The following RBP7 variants were observed in gnomAD, a reference collection of about 807,000 sequenced individuals.
RBP7 encodes retinol binding protein 7.
A neutral mutation model predicts 16.7 loss-of-function variants in RBP7; 13 were observed. The ratio of observed to expected loss-of-function variants is 0.78; its 90% CI spans 0.51 to 1.24. The LOEUF (loss-of-function observed/expected upper bound fraction) is 1.24, where lower values mean the gene tolerates loss of function less well. Among genes scored for constraint, RBP7 ranks in the 50% most tolerant of loss-of-function variants. The probability of loss-of-function intolerance (pLI) is 0.00; values close to 1 mark genes in which losing one functional copy is unlikely to be tolerated. For missense variants in RBP7, 145 were observed against 159.5 expected (o/e 0.91, Z 0.49); for synonymous variants, 54 against 56.2 (o/e 0.96, Z 0.17).
chr1:9,997,363 G>T lies in RBP7; in HGVS notation c.73+32G>T. 6.2e-7 allele frequency: 1 copy of T among 1,601,410 alleles called. No individual in the cohort carries two copies. The highest frequency in any genetic ancestry group is 8.5e-7 in the Non-Finnish European group (1 of 1,172,360). The stretch of plus-strand genomic sequence containing the variant: ...CGGAGGGGAGGCGGCGGCGGCGCGA[G>T]GCTCGCCGTGGGTCTCGGGATCAGG... On this transcript the variant is annotated intron_variant, in intron 1 of 3. Coordinates refer to ENST00000294435, the MANE Select transcript of RBP7 (RefSeq NM_052960.3). The surrounding 1 kb of genome is among the most constrained non-coding windows in gnomAD (Gnocchi z 5.9).
chr1:10,003,584 A>T (rs1036321170), intron 1 of RBP7, among the ~76,000 whole-genome samples: 1 of 152,218 alleles, frequency 6.6e-6, no homozygotes, highest in Admixed American at 6.5e-5. Flanking sequence ...CAGAGCTGTG[A>T]CACTGCTTCT....
At chr1:10,012,607 C>G (rs115776546) in intron 3 of RBP7, among the ~76,000 whole-genome samples, 1,481 of 145,174 alleles carry the variant, frequency 0.01, 31 homozygotes, top group African/African-American at 0.037. Context: ...GCCTGGGGAA[C>G]GTAGGACTAG....
chr1:10,008,143 A>C, intron 2 of RBP7, 30 bp from the exon 3 acceptor site: 1 of 1,418,470 alleles, frequency 7.0e-7, no homozygotes, highest in Non-Finnish European at 1.0e-6. Flanking sequence ...CTGCCAGGAC[A>C]AGCTAACATT....
intron 3 of RBP7, among the ~76,000 whole-genome samples, chr1:10,008,911 T>G (rs1642528374): frequency 6.6e-6 from 1 of 152,206 alleles, no homozygotes; most frequent in South Asian, 2.1e-4. Flanking sequence ...ACTTTATGTA[T>G]ACATAGATAT....
chr1:10,015,675 A>G, intron 3 of RBP7, 107 bp from the exon 4 acceptor site: 1 of 991,338 alleles, frequency 1.0e-6, no homozygotes. Flanking sequence ...AAAAGAAAAA[A>G]ACATGTTCCA....
intron 1 of RBP7, among the ~76,000 whole-genome samples, chr1:9,998,413 T>TC (rs1331526613): frequency 9.0e-5 from 13 of 144,248 alleles, no homozygotes; most frequent in African/African-American, 3.1e-4. Context: ...CTTTCTTTTT[T>TC]TTTTTTTTTT....
chr1:10,002,201 T>C (rs1642297500), intron 1 of RBP7, among the ~76,000 whole-genome samples: 1 of 152,144 alleles, frequency 6.6e-6, no homozygotes, highest in African/African-American at 2.4e-5. Flanking sequence ...GGCTTTGAGA[T>C]TGAAGGTTAA....
chr1:10,007,535 C>A, intron 1 of RBP7, 35 bp from the exon 2 acceptor site: 2 of 1,438,870 alleles, frequency 1.4e-6, no homozygotes, highest in South Asian at 1.3e-5. Flanking sequence ...GTATCTCAAG[C>A]GAATGTTCAA....
chr1:10,010,918 A>G (rs1642599620), intron 3 of RBP7, among the ~76,000 whole-genome samples: 1 of 151,838 alleles, frequency 6.6e-6, no homozygotes, highest in African/African-American at 2.4e-5. Context: ...TAGTAGAGAC[A>G]TGGTTTTGCC....
chr1:10,015,975 T>C lies in RBP7; in HGVS notation c.*143T>C. ...ACACAGCGTGTAACCTGAAGTCATC[T>C]AGATTATGGGGAAACTGCTCAGCTT... On this transcript the variant is annotated 3_prime_UTR_variant, in exon 4 of 4. Coordinates refer to ENST00000294435, the MANE Select transcript of RBP7 (RefSeq NM_052960.3). The C allele has an allele frequency of 1.5e-6, 1 of 677,192 alleles. No individual in the cohort carries two copies. The highest frequency in any genetic ancestry group is 2.6e-6 in the Non-Finnish European group (1 of 386,950). The allele number at this position is 677,192 out of a possible 1,614,324, so 41.9% of individuals were successfully genotyped here.
In RBP7 at chr1:10,007,653, C is replaced by T. The variant is rs1241384176; in HGVS notation, c.157C>T (p.His53Tyr). Reference protein sequence around the residue: ...IEQNGDSFTIHTNSSLRNYFV... With the variant: ...IEQNGDSFTIYTNSSLRNYFV... ...GCAGAATGGGGATTCTTTTACCATC[C>T]ACACGAACAGCAGCCTAAGGAACTA... Residue 53 changes from histidine to tyrosine, a missense_variant, in exon 2 of 4, where the codon CAC becomes TAC. By Grantham distance (83) the His-to-Tyr change is moderately conservative. Coordinates refer to ENST00000294435, the MANE Select transcript of RBP7 (RefSeq NM_052960.3). The T allele has an allele frequency of 1.2e-6, 2 of 1,613,768 alleles. No homozygotes were observed. The highest frequency in any genetic ancestry group is 1.7e-5 in the Admixed American group (1 of 59,954).
intron 3 of RBP7, among the ~76,000 whole-genome samples, chr1:10,012,502 T>A (rs896360879): frequency 2.6e-5 from 4 of 152,032 alleles, no homozygotes; most frequent in African/African-American, 9.7e-5. Context: ...GTTCAAATTA[T>A]GCACAACAGC....
In RBP7 at chr1:9,997,481, G is replaced by A; in HGVS notation, c.73+150G>A. The A allele has an allele frequency of 2.9e-6, 2 of 693,954 alleles. No individual in the cohort carries two copies. The highest frequency in any genetic ancestry group is 2.4e-6 in the Non-Finnish European group (1 of 416,502). 43.0% of individuals were successfully genotyped at this position (693,954 alleles called of 1,614,324 possible). On this transcript the variant is annotated intron_variant, in intron 1 of 3. Coordinates refer to ENST00000294435, the MANE Select transcript of RBP7 (RefSeq NM_052960.3). This position sits in a 1 kb window ranked among gnomAD's most constrained non-coding sequence, Gnocchi z 5.9. The stretch of plus-strand genomic sequence containing the variant: ...TCGCCCAGTCGCCCCCGAGTCCGCT[G>A]GTCCTTGGCGCCTCCGTCCATCGGG...
Position 10,015,102 on chromosome 1 carries a change from C to A in RBP7, c.355-680C>A, listed in dbSNP as rs143592842. On this transcript the variant is annotated intron_variant, in intron 3 of 3. Transcript: ENST00000294435. ...GTGGCTTATAACTATAATCCTAGCA[C>A]TTTCGGAGGGCAAGGCAGGAAAATC... is the stretch of plus-strand genomic sequence containing the variant. Among the ~76,000 whole-genome samples, 83 of 152,152 alleles carry A rather than the reference C, an allele frequency of 5.5e-4. 3 individuals are homozygous for A. The East Asian group carries it at 0.012, about 23-fold the overall frequency.
chr1:10,009,732 A>G (rs889599005), intron 3 of RBP7, among the ~76,000 whole-genome samples: 3 of 149,640 alleles, frequency 2.0e-5, no homozygotes, highest in Admixed American at 1.4e-4. Context: ...GGATTTTACC[A>G]TATTGGCCAG....
chr1:10,013,746 G>A (rs1280674976), intron 3 of RBP7, among the ~76,000 whole-genome samples: 1 of 151,990 alleles, frequency 6.6e-6, no homozygotes, highest in Non-Finnish European at 1.5e-5. Context: ...GGAGGTGGAG[G>A]TTGCAGTGAG....
At chr1:10,013,026 A>T (rs1570735883) in intron 3 of RBP7, among the ~76,000 whole-genome samples, 1 of 151,540 alleles carries the variant, frequency 6.6e-6, no homozygotes, top group Admixed American at 6.6e-5. Flanking sequence ...AGGGCACAGA[A>T]GTACTTTTGT....
chr1:10,011,216 T>A (rs1468420407), intron 3 of RBP7, among the ~76,000 whole-genome samples: 2 of 152,118 alleles, frequency 1.3e-5, no homozygotes, highest in African/African-American at 4.8e-5. Context: ...TATTTAACAT[T>A]CCATCTTAGA....
At chr1:9,999,878 C>T (rs7532547) in intron 1 of RBP7, among the ~76,000 whole-genome samples, 24,190 of 142,802 alleles carry the variant, frequency 0.17, 2,777 homozygotes, top group East Asian at 0.32. Context: ...AGTGCAGTGG[C>T]GCGATCTCGG....
Sources: allele counts gnomAD v4.1 joint callset (sites outside exome capture counted in the v4.1 genomes callset), GRCh38; gene constraint gnomAD v4.1.1; non-coding constraint Gnocchi (gnomAD v3.1); transcripts MANE v1.5; gene names NCBI Gene and HGNC (gene_info 2026-07-23, HGNC 2026-07-21).